Variants in OR51B5 observed in about 807,000 individuals in gnomAD.
OR51B5 encodes the protein olfactory receptor 51B5.
For missense variants in OR51B5, 456 were observed against 374.6 expected, an observed-to-expected ratio of 1.22 and a Z score of -1.79; for synonymous variants, 186 against 144.8, an observed-to-expected ratio of 1.28 and a Z score of -2.04.
At chr11:5,357,774 A>T (rs1305570410) in intron 1 of OR51B5, among the ~76,000 whole-genome samples, 1 of 150,990 alleles carries the variant, frequency 6.6e-6, no homozygotes, top group East Asian at 1.9e-4. Flanking sequence ...AAAAGAACAG[A>T]AATTATAACA....
At chr11:5,384,492 TCTGCAGTATTCTGTTAGGAAGGCCA>T (rs1849654948) in intron 1 of OR51B5, among the ~76,000 whole-genome samples, 1 of 152,180 alleles carries the variant, frequency 6.6e-6, no homozygotes, top group South Asian at 2.1e-4. Flanking sequence ...GGCGAGCTCA[TCTGCAGTATTCTGTTAGGAAGGCCA>T]GGAGGCAGGG....
At chr11:5,478,019 G>A (rs2133805968) in intron 1 of OR51B5, among the ~76,000 whole-genome samples, 1 of 152,036 alleles carries the variant, frequency 6.6e-6, no homozygotes, top group Non-Finnish European at 1.5e-5. Flanking sequence ...ACAGCTCAAG[G>A]AGGCCTGCCT....
At chr11:5,352,512 T>A in intron 1 of OR51B5, 1 of 979,154 alleles carries the variant, frequency 1.0e-6, no homozygotes, top group East Asian at 2.4e-5. Context: ...GTTGCCAGCA[T>A]AAGTAACTAG....
upstream of OR51B5, among the ~76,000 whole-genome samples, chr11:5,344,727 A>G (rs1012649950): frequency 1.3e-5 from 2 of 152,214 alleles, no homozygotes; most frequent in Non-Finnish European, 2.9e-5. Flanking sequence ...GACAGCCATG[A>G]TATTTAAAGC....
chr11:5,344,912 G>A (rs569458910), upstream of OR51B5, among the ~76,000 whole-genome samples: 87 of 152,286 alleles, frequency 5.7e-4, 1 homozygote, highest in South Asian at 0.017. Context: ...AGCAGTTTGA[G>A]GGGCCTAGAA....
chr11:5,460,301 G>A (rs10838147), intron 1 of OR51B5, among the ~76,000 whole-genome samples: 52,511 of 151,980 alleles, frequency 0.35, 9,481 homozygotes, highest in African/African-American at 0.37. Context: ...ACTAGGCATA[G>A]TACCTTGGTG....
At chr11:5,493,659 G>C (rs1851608853) in intron 1 of OR51B5, among the ~76,000 whole-genome samples, 1 of 152,162 alleles carries the variant, frequency 6.6e-6, no homozygotes, top group Non-Finnish European at 1.5e-5. Context: ...GAACTGTGTT[G>C]ACCACTCCAG....
chr11:5,360,812 T>TA (rs1554934467), intron 1 of OR51B5, among the ~76,000 whole-genome samples: 5 of 148,470 alleles, frequency 3.4e-5, no homozygotes, highest in Non-Finnish European at 7.5e-5. Flanking sequence ...TATGCAGCCA[T>TA]AAAAAATGAA....
At chr11:5,376,741 T>C (rs1849534832) in intron 1 of OR51B5, among the ~76,000 whole-genome samples, 1 of 151,814 alleles carries the variant, frequency 6.6e-6, no homozygotes, top group Non-Finnish European at 1.5e-5. Context: ...ACACATACAC[T>C]ATCCCAAGAC....
chr11:5,453,849 G>C, intron 1 of OR51B5: 4 of 1,614,184 alleles, frequency 2.5e-6, no homozygotes, highest in Non-Finnish European at 3.4e-6. Flanking sequence ...CATGAGTTTT[G>C]ACCGCTATGT....
chr11:5,398,771 T>G (rs1419942674), intron 1 of OR51B5, among the ~76,000 whole-genome samples: 4 of 152,188 alleles, frequency 2.6e-5, no homozygotes, highest in African/African-American at 4.8e-5. Context: ...TCTTGCTCAC[T>G]CTCTCTTGCC....
At chr11:5,487,641 T>A (rs976139378) in intron 1 of OR51B5, among the ~76,000 whole-genome samples, 1 of 152,220 alleles carries the variant, frequency 6.6e-6, no homozygotes, top group African/African-American at 2.4e-5. Flanking sequence ...TGTATAATAC[T>A]AGCTATCCCT....
intron 1 of OR51B5, among the ~76,000 whole-genome samples, chr11:5,496,054 C>G (rs1851646199): frequency 6.6e-6 from 1 of 152,034 alleles, no homozygotes; most frequent in African/African-American, 2.4e-5. Flanking sequence ...AAGTCTGGTT[C>G]CTGCCACAAG....
intron 1 of OR51B5, among the ~76,000 whole-genome samples, chr11:5,351,182 T>G (rs1849079627): frequency 6.6e-6 from 1 of 152,160 alleles, no homozygotes; most frequent in Non-Finnish European, 1.5e-5. Flanking sequence ...AATATAGTGA[T>G]TTCTTCTTTC....
chr11:5,341,693 A>AAAATGCAGAAAC (rs1254987526), downstream of OR51B5, among the ~76,000 whole-genome samples: 6 of 152,212 alleles, frequency 3.9e-5, no homozygotes, highest in African/African-American at 1.4e-4. Flanking sequence ...ATTCTTCAAA[A>AAAATGCAGAAAC]AAATGCAGAA....
intron 1 of OR51B5, chr11:5,351,959 GTCTGTCCATTATGCCAA>G: frequency 6.2e-7 from 1 of 1,613,054 alleles, no homozygotes; most frequent in East Asian, 2.2e-5. Context: ...ACAAGGGCTG[GTCTGTCCATTATGCCAA>G]TAGTTGTTCG....
chr11:5,343,366 A>AAGATTGTGATCTTCC (rs1409111246), exon 1 of OR51B5: 9 of 1,613,644 alleles, frequency 5.6e-6, no homozygotes, highest in Non-Finnish European at 6.8e-6. Context: ...TGGGCTCATG[A>AAGATTGTGATCTTCC]AGATTGTGAT....
At chr11:5,349,839 G>C (rs1252187255) in intron 1 of OR51B5, among the ~76,000 whole-genome samples, 2 of 151,954 alleles carry the variant, frequency 1.3e-5, no homozygotes, top group Non-Finnish European at 2.9e-5. Flanking sequence ...GTTACTTTTA[G>C]CTATGTCAGA....
intron 1 of OR51B5, among the ~76,000 whole-genome samples, chr11:5,411,588 C>A (rs553517257): frequency 6.6e-6 from 1 of 152,266 alleles, no homozygotes; most frequent in South Asian, 2.1e-4. Flanking sequence ...AATAATGTCT[C>A]CACCCCTGTA....
Sources: allele counts gnomAD v4.1 joint callset (sites outside exome capture counted in the v4.1 genomes callset), GRCh38; gene constraint gnomAD v4.1.1; transcripts MANE v1.5; gene names NCBI Gene and HGNC (gene_info 2026-07-23, HGNC 2026-07-21).